Variants in GGNBP2 observed in about 807,000 individuals in gnomAD.
GGNBP2 encodes the protein gametogenetin-binding protein 2.
Under a neutral mutation model 85.9 loss-of-function variants are expected in GGNBP2, and 10 were observed. The ratio of observed to expected loss-of-function variants is 0.12; its 90% confidence interval spans 0.07 to 0.20. The LOEUF (loss-of-function observed/expected upper bound fraction) is 0.20, where lower values mean the gene tolerates loss of function less well. GGNBP2 is among the 10% of genes least tolerant of loss of function. GGNBP2 has a pLI of 1.00. For missense variants in GGNBP2, 595 were observed against 857.8 expected, an observed-to-expected ratio of 0.69 and a Z score of 3.83; for synonymous variants, 287 against 285.7, an observed-to-expected ratio of 1.00 and a Z score of -0.05.
intron 13 of GGNBP2, among the ~76,000 whole-genome samples, chr17:36,588,240 C>T (rs937626744): frequency 3.3e-5 from 5 of 152,086 alleles, no homozygotes; most frequent in African/African-American, 1.2e-4. Context: ...GAACCAAATC[C>T]TTCGGAATAC....
intron 2 of GGNBP2, 117 bp downstream of exon 2, chr17:36,545,934 G>T: frequency 1.4e-6 from 1 of 710,852 alleles, no homozygotes; most frequent in Non-Finnish European, 2.4e-6. Context: ...ACTCCTAGGC[G>T]AGGCCTTCTC....
In GGNBP2 at chr17:36,557,277, T is replaced by G. The variant is rs2074371711; in HGVS notation, c.369T>G (p.Ser123=). ...PLTVGPKGVL[S]VTRSCMTDAK... ...CAGTAGGGCCCAAGGGAGTCCTGTC[T>G]GTAACTAGAAGCTGCATGACTGATG... Residue 123 remains serine, a synonymous_variant, in exon 4 of 14, where the codon TCT becomes TCG. Coordinates refer to ENST00000613102, the MANE Select transcript of GGNBP2 (RefSeq NM_024835.5). 6.2e-7 allele frequency: 1 copy of G among 1,613,960 alleles called. No individual in the cohort carries two copies. Among genetic ancestry groups the G allele is most frequent in the African/African-American group, 1.3e-5 (1 of 74,934 alleles).
At chr17:36,550,217 C>T (rs1056215973) in intron 2 of GGNBP2, among the ~76,000 whole-genome samples, 11 of 152,148 alleles carry the variant, frequency 7.2e-5, no homozygotes, top group Non-Finnish European at 1.0e-4. Flanking sequence ...GGATTACAGG[C>T]GTGAGCCAAT....
intron 9 of GGNBP2, among the ~76,000 whole-genome samples, chr17:36,584,926 C>T (rs1324308264): frequency 6.7e-6 from 1 of 149,674 alleles, no homozygotes; most frequent in Non-Finnish European, 1.5e-5. Flanking sequence ...TGTACTCTAG[C>T]CTAAGTGACA....
At chr17:36,548,540 G>A (rs974406252) in intron 2 of GGNBP2, among the ~76,000 whole-genome samples, 4 of 145,720 alleles carry the variant, frequency 2.7e-5, no homozygotes, top group Non-Finnish European at 4.5e-5. Flanking sequence ...CTATGAACCC[G>A]GGAGGTGGAG....
At chr17:36,578,963 A>C (rs1599543480) in intron 7 of GGNBP2, 2 of 312,486 alleles carry the variant, frequency 6.4e-6, no homozygotes, top group African/African-American at 4.3e-5. Flanking sequence ...TGAGCTGGAC[A>C]CTTCTATGTG....
At chr17:36,571,145 T>C (rs1779995034) in intron 6 of GGNBP2, among the ~76,000 whole-genome samples, 1 of 152,168 alleles carries the variant, frequency 6.6e-6, no homozygotes, top group South Asian at 2.1e-4. Context: ...CTTAAGGGTT[T>C]TTTAAGGCTG....
intron 2 of GGNBP2, chr17:36,547,306 A>G (rs1418867517): frequency 6.6e-6 from 1 of 152,234 alleles, no homozygotes; most frequent in African/African-American, 2.4e-5. Context: ...TTTCTGAAGC[A>G]TATAGTTATG....
rs776132882 is a variant in GGNBP2 at position 36,579,409 on chromosome 17, A to G, written c.1010A>G (p.Lys337Arg). The G allele has an allele frequency of 6.2e-7, 1 of 1,614,080 alleles. No individual in the cohort carries two copies. The highest frequency in any genetic ancestry group is 8.5e-7 in the Non-Finnish European group (1 of 1,179,944). Residue 337 changes from lysine (K) to arginine (R), a missense_variant, in exon 8 of 14, where the codon AAG (lysine) becomes AGG (arginine). Lys to Arg is a conservative substitution (Grantham distance 26, BLOSUM62 2). Around this residue, in one of 9 missense-constraint regions of GGNBP2, gnomAD observed 92 missense variants for 183.9 expected, o/e 0.50. Transcript: ENST00000613102. ...TATCTTGGTGTTGATGCTTTACGCAAGAGTTTTGAGGTAAGAACAGTGGGC... is the reference window on the plus strand; with the variant it reads ...TATCTTGGTGTTGATGCTTTACGCAGGAGTTTTGAGGTAAGAACAGTGGGC... ...LFYLGVDALR[K>R]SFEMTVEKVQ...
chr17:36,547,701 G>A (rs1017469907), intron 2 of GGNBP2: 7 of 152,156 alleles, frequency 4.6e-5, no homozygotes, highest in African/African-American at 1.4e-4. Context: ...TGCTTTTATT[G>A]TACTGTGGAC....
At chr17:36,572,765 G>A (rs2074538898) in intron 6 of GGNBP2, among the ~76,000 whole-genome samples, 1 of 152,092 alleles carries the variant, frequency 6.6e-6, no homozygotes, top group Non-Finnish European at 1.5e-5. Context: ...TTAACTATAT[G>A]CACATTGTTG....
intron 6 of GGNBP2, among the ~76,000 whole-genome samples, chr17:36,576,426 C>T (rs1366267024): frequency 2.1e-4 from 22 of 104,928 alleles, no homozygotes; most frequent in South Asian, 6.7e-4. Context: ...TAGTGGTGGG[C>T]GCCTGTAATC....
chr17:36,581,701 T>C (rs2074652177), intron 9 of GGNBP2, 163 bp downstream of exon 9: 1 of 420,164 alleles, frequency 2.4e-6, no homozygotes, highest in Non-Finnish European at 4.3e-6. Context: ...GGCAAGATAG[T>C]GAGATCTCTA....
At chr17:36,567,802 A>G (rs376075322) in intron 6 of GGNBP2, 26 bp downstream of exon 6, 5 of 1,254,488 alleles carry the variant, frequency 4.0e-6, no homozygotes, top group Non-Finnish European at 4.7e-6. Context: ...GTTCCAGTAT[A>G]ATGTGGAAGG....
At chr17:36,582,711 T>C (rs894590326) in intron 9 of GGNBP2, among the ~76,000 whole-genome samples, 6 of 152,218 alleles carry the variant, frequency 3.9e-5, no homozygotes, top group Admixed American at 2.0e-4. Flanking sequence ...TGAGTAGTTA[T>C]CTCTTTACCT....
chr17:36,588,259 T>C (rs2074722604), intron 13 of GGNBP2, among the ~76,000 whole-genome samples: 1 of 152,128 alleles, frequency 6.6e-6, no homozygotes, highest in South Asian at 2.1e-4. Context: ...ACTAGCTTTT[T>C]TCTTTTTCTT....
chr17:36,545,671 G>C lies in GGNBP2; in HGVS notation c.-54G>C. On this transcript the variant is annotated 5_prime_UTR_variant, in exon 2 of 14. Coordinates refer to ENST00000613102, the MANE Select transcript of GGNBP2 (RefSeq NM_024835.5). ...CGGCGGCAGAAACAGCAGCGGCGGC[G>C]GCGGCGGCAGCTGGGAGGAGGTGGT... 3 of 1,371,350 alleles carry C rather than the reference G, an allele frequency of 2.2e-6. No individual in the cohort carries two copies. The highest frequency in any genetic ancestry group is 3.0e-6 in the Non-Finnish European group (3 of 984,966). 84.9% of individuals were successfully genotyped at this position (1,371,350 alleles called of 1,614,324 possible). A position where few individuals can be genotyped will look rare whatever the true frequency, so the allele number is the denominator to read the frequency against.
chr17:36,570,431 G>A (rs1030330290), intron 6 of GGNBP2, among the ~76,000 whole-genome samples: 2 of 152,196 alleles, frequency 1.3e-5, no homozygotes, highest in African/African-American at 4.8e-5. Context: ...TGGGTGCAGT[G>A]GCTCATGCCT....
intron 2 of GGNBP2, among the ~76,000 whole-genome samples, chr17:36,551,682 A>G (rs1013988941): frequency 1.3e-5 from 2 of 151,862 alleles, no homozygotes; most frequent in Non-Finnish European, 2.9e-5. Flanking sequence ...TGTCTCTACT[A>G]AAAATACAAA....
Sources: allele counts gnomAD v4.1 joint callset (sites outside exome capture counted in the v4.1 genomes callset), GRCh38; gene constraint gnomAD v4.1.1; regional missense constraint gnomAD v4.1.1; transcripts MANE v1.5; gene names NCBI Gene and HGNC (gene_info 2026-07-23, HGNC 2026-07-21).